The following NBEA variants were observed in gnomAD, a reference collection of about 807,000 sequenced individuals.
The protein encoded by NBEA is neurobeachin.
NBEA carries 44 observed loss-of-function variants against 343.4 expected under a neutral mutation model. That is an observed-to-expected ratio of 0.13 (90% confidence interval 0.10 to 0.16). The LOEUF is 0.16. Ranked by LOEUF, NBEA falls within the 10% of genes least tolerant of loss-of-function variation. NBEA has a pLI of 1.00. For missense variants in NBEA, 2,555 were observed against 3,631.3 expected (o/e 0.70, Z 7.62); for synonymous variants, 1,175 against 1,238.7 (o/e 0.95, Z 1.08).
intron 17 of NBEA, among the ~76,000 whole-genome samples, chr13:35,125,674 G>A (rs1055414864): frequency 2.6e-5 from 4 of 151,870 alleles, no homozygotes; most frequent in African/African-American, 9.7e-5. Context: ...CAAAAGAATT[G>A]GCACATCATC....
At chr13:35,163,493 C>A (rs182014126) in intron 23 of NBEA, among the ~76,000 whole-genome samples, 1 of 151,724 alleles carries the variant, frequency 6.6e-6, no homozygotes, top group South Asian at 2.1e-4. Context: ...ATTAACTAGG[C>A]GTGGTGGTGT....
chr13:34,987,276 T>C (rs1484782845), intron 1 of NBEA, among the ~76,000 whole-genome samples: 3 of 151,048 alleles, frequency 2.0e-5, no homozygotes, highest in Non-Finnish European at 1.5e-5. Context: ...TGGCTGGATA[T>C]GAAATTCTGG....
intron 55 of NBEA, among the ~76,000 whole-genome samples, chr13:35,658,992 GAA>G (rs2084945027): frequency 6.6e-6 from 1 of 152,138 alleles, no homozygotes; most frequent in African/African-American, 2.4e-5. Context: ...CTCACAATGT[GAA>G]AGAGATTTTC....
At chr13:35,346,596 G>A (rs2039891187) in intron 36 of NBEA, among the ~76,000 whole-genome samples, 1 of 151,966 alleles carries the variant, frequency 6.6e-6, no homozygotes, top group Non-Finnish European at 1.5e-5. Flanking sequence ...AATTTGTGTT[G>A]TGGTTAACTT....
chr13:35,056,225 T>C, intron 7 of NBEA, 96 bp downstream of exon 7: 3 of 1,067,180 alleles, frequency 2.8e-6, no homozygotes, highest in Non-Finnish European at 3.6e-6. Flanking sequence ...TGGTAGAAGC[T>C]TAAAACTTTG....
chr13:35,616,038 G>T (rs1281608909), intron 48 of NBEA, among the ~76,000 whole-genome samples: 1 of 152,136 alleles, frequency 6.6e-6, no homozygotes, highest in Non-Finnish European at 1.5e-5. Context: ...TGGAAGAAAT[G>T]ATATTCATTT....
chr13:35,166,429 T>C (rs2070039191), intron 24 of NBEA, among the ~76,000 whole-genome samples: 1 of 152,160 alleles, frequency 6.6e-6, no homozygotes, highest in African/African-American at 2.4e-5. Flanking sequence ...ATTATTACGA[T>C]TCAATTTTGA....
At chr13:35,126,295 A>G (rs1315299587) in intron 17 of NBEA, among the ~76,000 whole-genome samples, 1 of 152,098 alleles carries the variant, frequency 6.6e-6, no homozygotes, top group African/African-American at 2.4e-5. Context: ...CCTCCCCAGC[A>G]ATGCAGAACT....
intron 41 of NBEA, among the ~76,000 whole-genome samples, chr13:35,514,266 G>A (rs1249045741): frequency 2.0e-5 from 3 of 152,184 alleles, no homozygotes; most frequent in South Asian, 4.1e-4. Flanking sequence ...GTGAAATGAC[G>A]AGGGCTTACA....
chr13:35,584,633 G>A (rs1292526789), intron 46 of NBEA, among the ~76,000 whole-genome samples: 1 of 151,564 alleles, frequency 6.6e-6, no homozygotes, highest in Non-Finnish European at 1.5e-5. Flanking sequence ...CAGAGTAGTT[G>A]GGATTACAGA....
intron 34 of NBEA, among the ~76,000 whole-genome samples, chr13:35,275,382 A>T (rs1001599572): frequency 2.0e-5 from 3 of 152,206 alleles, no homozygotes; most frequent in African/African-American, 7.2e-5. Context: ...AAAATGTAAG[A>T]CCTAACACCA....
At chr13:35,511,278 A>C (rs1471117976) in intron 41 of NBEA, among the ~76,000 whole-genome samples, 2 of 152,154 alleles carry the variant, frequency 1.3e-5, no homozygotes, top group Non-Finnish European at 2.9e-5. Flanking sequence ...TACCTATTTT[A>C]TTCTCTGCTT....
intron 41 of NBEA, chr13:35,475,540 A>G (rs1296758038): frequency 6.2e-7 from 1 of 1,612,476 alleles, no homozygotes; most frequent in Non-Finnish European, 8.5e-7. Flanking sequence ...GACCTCCGCC[A>G]CCCGGTTGGG....
chr13:35,631,741 T>C (rs2083465615), intron 49 of NBEA, among the ~76,000 whole-genome samples: 1 of 152,056 alleles, frequency 6.6e-6, no homozygotes, highest in Non-Finnish European at 1.5e-5. Context: ...TGATTCATTC[T>C]TTCTTGACAG....
chr13:34,988,418 A>G (rs1387048013), intron 1 of NBEA, among the ~76,000 whole-genome samples: 1 of 151,184 alleles, frequency 6.6e-6, no homozygotes, highest in African/African-American at 2.4e-5. Context: ...CTATAGAGGT[A>G]GCCGGCCTTG....
intron 33 of NBEA, among the ~76,000 whole-genome samples, chr13:35,219,552 C>T (rs898118146): frequency 6.6e-6 from 1 of 152,028 alleles, no homozygotes; most frequent in Admixed American, 6.6e-5. Context: ...AATATACATG[C>T]ATATACACAT....
At chr13:35,339,668 G>GAAAC (rs371744797) in intron 36 of NBEA, among the ~76,000 whole-genome samples, 1 of 152,024 alleles carries the variant, frequency 6.6e-6, no homozygotes, top group Non-Finnish European at 1.5e-5. Flanking sequence ...GAGGCCTCAG[G>GAAAC]AAACAAACAA....
At chr13:35,379,322 A>G (rs2041895535) in intron 38 of NBEA, among the ~76,000 whole-genome samples, 1 of 152,122 alleles carries the variant, frequency 6.6e-6, no homozygotes, top group East Asian at 1.9e-4. Context: ...GCCTTTCATC[A>G]TGGCCAAAAA....
chr13:35,656,523 G>T (rs2153082477), intron 55 of NBEA, among the ~76,000 whole-genome samples: 1 of 152,258 alleles, frequency 6.6e-6, no homozygotes, highest in Admixed American at 6.5e-5. Flanking sequence ...TTAGTTGTTG[G>T]ACTGCTGCCC....
Sources: allele counts gnomAD v4.1 joint callset (sites outside exome capture counted in the v4.1 genomes callset), GRCh38; gene constraint gnomAD v4.1.1; transcripts MANE v1.5; gene names NCBI Gene and HGNC (gene_info 2026-07-23, HGNC 2026-07-21).